MYO15B: variants seen among roughly 807,000 people sequenced by gnomAD.
The protein encoded by MYO15B is myosin XVB.
MYO15B carries 207 observed loss-of-function variants against 119.3 expected under a neutral mutation model. The ratio of observed to expected loss-of-function variants is 1.73; its 90% confidence interval spans 1.55 to 1.95. MYO15B has a LOEUF of 1.95. Among genes scored for constraint, MYO15B ranks in the 30% most tolerant of loss-of-function variants. The probability of loss-of-function intolerance (pLI) is 0.00; values close to 1 mark genes in which losing one functional copy is unlikely to be tolerated. For synonymous variants in MYO15B, 966 were observed against 498.9 expected, an observed-to-expected ratio of 1.94 and a Z score of -12.48; for missense variants, 2,264 against 1,203.1, an observed-to-expected ratio of 1.88 and a Z score of -13.04.
chr17:75,594,216 T>C (rs1401038611), intron 9 of MYO15B, among the ~76,000 whole-genome samples: 12 of 151,964 alleles, frequency 7.9e-5, no homozygotes, highest in African/African-American at 7.3e-5. Flanking sequence ...GGGTTACTGC[T>C]TCCCCTTTAG....
At chr17:75,614,245 A>T in exon 30 of MYO15B, 1 of 702,392 alleles carries the variant, frequency 1.4e-6, no homozygotes, top group Non-Finnish European at 2.6e-6. Context: ...ACTGCACTCC[A>T]GGGACGCATG....
chr17:75,602,237 A>G lies in MYO15B; in HGVS notation c.3652-280A>G. On this transcript the variant is annotated intron_variant, in intron 15 of 63. Transcript: ENST00000645453. ...AAATCAAAATAGATTTAATATGGAG[A>G]GACAGACAACATTCTTGTCTAGTCA... 5.5e-6 allele frequency: 3 copies of G among 544,398 alleles called. No individual in the cohort carries two copies. The South Asian group carries it at 6.2e-5, about 11-fold the overall frequency. The allele number at this position is 544,398 out of a possible 1,614,324, so 33.7% of individuals were successfully genotyped here. A position where few individuals can be genotyped will look rare whatever the true frequency, so the allele number is the denominator to read the frequency against.
chr17:75,607,215 C>T (rs2057711774), intron 21 of MYO15B: 1 of 367,040 alleles, frequency 2.7e-6, no homozygotes, highest in African/African-American at 2.1e-5. Flanking sequence ...ACCCATTAAG[C>T]AGTAACTATT....
chr17:75,589,138 G>A lies in MYO15B; in HGVS notation c.1081G>A (p.Ala361Thr), dbSNP rs2056247744. Residue 361 changes from alanine to threonine, a missense_variant, in exon 1 of 64, where the codon GCT becomes ACT. Coordinates refer to ENST00000645453, the Ensembl canonical transcript of MYO15B. The surrounding 1 kb of genome is among the most constrained non-coding windows in gnomAD (Gnocchi z 4.2). The stretch of plus-strand genomic sequence containing the variant: ...TTCCCAGGCCGTGGGCCCCCGCCGC[G>A]CTGGCCTCAAGGAGCGGCTCCTGAG... 1.0e-5 allele frequency: 4 copies of A among 391,420 alleles called. 1 individual carries two copies. The highest frequency in any genetic ancestry group is 6.4e-4 in the Middle Eastern group (1 of 1,572). 24.2% of individuals were successfully genotyped at this position (391,420 alleles called of 1,614,324 possible). A position where few individuals can be genotyped will look rare whatever the true frequency, so the allele number is the denominator to read the frequency against.
chr17:75,620,014 TAAG>T lies in MYO15B; in HGVS notation c.7441_7443del (p.Lys2481del), dbSNP rs1201767359. 5 of 700,770 alleles carry T rather than the reference TAAG, an allele frequency of 7.1e-6. No homozygotes were observed. In the South Asian group the frequency reaches 7.4e-5, roughly 10 times the overall value. 43.4% of individuals were successfully genotyped at this position (700,770 alleles called of 1,614,324 possible). ...TGGTTGAGCTATTCCTGAATGAGCTTAAGAAGGTAAGTGTGGGGCACGGGTTGA... is the reference window on the plus strand; with the variant it reads ...TGGTTGAGCTATTCCTGAATGAGCTTAAGGTAAGTGTGGGGCACGGGTTGA... On this transcript the variant is annotated inframe_deletion, in exon 47 of 64. Transcript: ENST00000645453.
At chr17:75,600,850 C>T (rs557806462) in intron 14 of MYO15B, among the ~76,000 whole-genome samples, 1 of 149,990 alleles carries the variant, frequency 6.7e-6, no homozygotes, top group Non-Finnish European at 1.5e-5. Context: ...GGCCTCAAAG[C>T]GCTGCGGTTA....
exon 14 of MYO15B, chr17:75,596,835 ACCT>A (rs1448574030): frequency 1.4e-6 from 1 of 702,638 alleles, no homozygotes; most frequent in Non-Finnish European, 2.6e-6. Context: ...TCCTGCCTAG[ACCT>A]CCTGGTAGAT....
At chr17:75,621,133 A>G in exon 50 of MYO15B, 1 of 702,016 alleles carries the variant, frequency 1.4e-6, no homozygotes, top group South Asian at 1.5e-5. Flanking sequence ...CAGCTACACC[A>G]TGCAGGAATT....
chr17:75,590,920 C>A (rs536726663), exon 3 of MYO15B: 4 of 499,660 alleles, frequency 8.0e-6, no homozygotes, highest in Non-Finnish European at 1.5e-5. Flanking sequence ...TTTGGGGGGC[C>A]TGTCTTGCTT....
Position 75,596,418 on chromosome 17 carries a change from G to A in MYO15B, c.3298-42G>A, listed in dbSNP as rs1213642084. 4 of 690,904 alleles carry A rather than the reference G, an allele frequency of 5.8e-6. No homozygotes were observed. In the East Asian group the frequency reaches 1.1e-4, roughly 19 times the overall value. The allele number at this position is 690,904 out of a possible 1,614,324, so 42.8% of individuals were successfully genotyped here. A position where few individuals can be genotyped will look rare whatever the true frequency, so the allele number is the denominator to read the frequency against. On this transcript the variant is annotated intron_variant, in intron 12 of 63. Coordinates refer to ENST00000645453, the Ensembl canonical transcript of MYO15B. ...AAGGAAGCCTCTGGGGTGGGGGGAG[G>A]GCACAGCCCCATGTGCCCACCTCAC...
chr17:75,603,284 C>T (rs755913105), exon 19 of MYO15B: 5 of 703,092 alleles, frequency 7.1e-6, no homozygotes, highest in Middle Eastern at 2.3e-4. Flanking sequence ...CTTCCCCGTG[C>T]GTGTGCCCTT....
intron 19 of MYO15B, among the ~76,000 whole-genome samples, chr17:75,603,639 A>T (rs2057432820): frequency 6.6e-6 from 1 of 150,554 alleles, no homozygotes; most frequent in Admixed American, 6.7e-5. Flanking sequence ...TGCCCACAGC[A>T]GCTGTCCAGG....
chr17:75,607,567 C>G (rs2147923224), intron 21 of MYO15B, among the ~76,000 whole-genome samples: 1 of 152,088 alleles, frequency 6.6e-6, no homozygotes, highest in South Asian at 2.1e-4. Context: ...TCTCCTGCCT[C>G]AGTCTCCTGA....
chr17:75,588,828 G>A (rs1331510040), exon 1 of MYO15B: 13 of 398,366 alleles, frequency 3.3e-5, no homozygotes, highest in Non-Finnish European at 1.3e-5. Context: ...GGGCAGCTAT[G>A]GCCTCCAGGA....
exon 63 of MYO15B, chr17:75,626,159 G>A (rs1568245127): frequency 1.4e-6 from 1 of 703,068 alleles, no homozygotes; most frequent in Non-Finnish European, 2.6e-6. Context: ...AGGAGAAGGG[G>A]CCCCCTGGCC....
chr17:75,621,624 G>A (rs1568224670), intron 52 of MYO15B, 54 bp downstream of exon 52: 1 of 685,910 alleles, frequency 1.5e-6, no homozygotes, highest in East Asian at 2.7e-5. Flanking sequence ...ATGAACCTGG[G>A]TGTCTGGTCC....
chr17:75,615,198 T>C (rs2058292362), intron 33 of MYO15B, 42 bp from the exon 34 acceptor site: 1 of 691,830 alleles, frequency 1.4e-6, no homozygotes, highest in South Asian at 1.5e-5. Context: ...AGGTGGCATG[T>C]GGGCCCAGGC....
chr17:75,617,918 A>T, exon 42 of MYO15B: 1 of 702,800 alleles, frequency 1.4e-6, no homozygotes, highest in Non-Finnish European at 2.6e-6. Flanking sequence ...TTCCTACGCA[A>T]GGAGGTGGGC....
At chr17:75,615,129 C>A in intron 33 of MYO15B, 87 bp downstream of exon 33, 1 of 678,060 alleles carries the variant, frequency 1.5e-6, no homozygotes, top group South Asian at 1.6e-5. Flanking sequence ...CAGTGGCGAT[C>A]GATGCCCTGG....
Sources: gnomAD v4.1 joint callset for allele counts (sites outside exome capture counted in the v4.1 genomes callset) on GRCh38, gnomAD v4.1.1 for gene constraint, Gnocchi (gnomAD v3.1) non-coding constraint, MANE v1.5 for transcripts, NCBI Gene and HGNC (gene_info 2026-07-23, HGNC 2026-07-21) for gene names.